The following ERC1 variants were observed in gnomAD, a reference collection of about 807,000 sequenced individuals.
ERC1 encodes ELKS/RAB6-interacting/CAST family member 1.
In ERC1, 56 loss-of-function variants were observed where a neutral mutation model predicts 132.0. The observed-to-expected ratio is 0.42, with a 90% CI of 0.34 to 0.53. The LOEUF (loss-of-function observed/expected upper bound fraction) is 0.53, where lower values mean the gene tolerates loss of function less well. ERC1 is among the 20% of genes least tolerant of loss of function. The pLI, the probability that ERC1 is intolerant of heterozygous loss-of-function variation, is 0.03. For missense variants in ERC1, 1,202 were observed against 1,349.9 expected (o/e 0.89, Z 1.72); for synonymous variants, 478 against 476.1 (o/e 1.00, Z -0.05).
chr12:1,094,489 C>T (rs1173932595), intron 3 of ERC1, among the ~76,000 whole-genome samples: 2 of 150,236 alleles, frequency 1.3e-5, no homozygotes, highest in African/African-American at 4.9e-5. Context: ...CAGCTCACCT[C>T]AACCTCCGCC....
At chr12:1,102,808 G>A (rs992704876) in intron 3 of ERC1, among the ~76,000 whole-genome samples, 1 of 152,192 alleles carries the variant, frequency 6.6e-6, no homozygotes, top group Admixed American at 6.5e-5. Flanking sequence ...AAAGGGGAAG[G>A]ACACATGCGT....
At chr12:1,311,995 T>A (rs1204807114) in intron 15 of ERC1, among the ~76,000 whole-genome samples, 1 of 152,262 alleles carries the variant, frequency 6.6e-6, no homozygotes, top group Non-Finnish European at 1.5e-5. Flanking sequence ...TTGAAAACTA[T>A]GTCCCCATTT....
chr12:1,312,195 C>G (rs2081357837), intron 15 of ERC1, among the ~76,000 whole-genome samples: 1 of 152,124 alleles, frequency 6.6e-6, no homozygotes, highest in Non-Finnish European at 1.5e-5. Flanking sequence ...CCCATATTGA[C>G]TTTTTCTTTT....
intron 2 of ERC1, among the ~76,000 whole-genome samples, chr12:1,033,777 G>A (rs1968537169): frequency 6.6e-6 from 1 of 152,058 alleles, no homozygotes; most frequent in African/African-American, 2.4e-5. Flanking sequence ...TTTCAGGCAT[G>A]TGCCACCACG....
intron 16 of ERC1, chr12:1,386,930 A>C (rs1486268370): frequency 6.6e-6 from 1 of 152,372 alleles, no homozygotes; most frequent in African/African-American, 2.4e-5. Context: ...GGCAGAAGCC[A>C]GGGGAGCCAC....
intron 4 of ERC1, among the ~76,000 whole-genome samples, chr12:1,109,119 A>G (rs963291795): frequency 6.6e-6 from 1 of 152,230 alleles, no homozygotes; most frequent in East Asian, 1.9e-4. Flanking sequence ...ACATAAAACT[A>G]TTCATTCCAT....
chr12:1,222,183 A>G (rs1000801324), intron 12 of ERC1, among the ~76,000 whole-genome samples: 1 of 151,842 alleles, frequency 6.6e-6, no homozygotes, highest in Non-Finnish European at 1.5e-5. Flanking sequence ...CCAAAGCATT[A>G]TCATCATGTG....
At chr12:1,396,802 T>C (rs2090579000) in intron 16 of ERC1, among the ~76,000 whole-genome samples, 1 of 152,090 alleles carries the variant, frequency 6.6e-6, no homozygotes, top group Non-Finnish European at 1.5e-5. Flanking sequence ...AGGTGAGGCA[T>C]TGAGCTCACA....
intron 11 of ERC1, among the ~76,000 whole-genome samples, chr12:1,184,068 A>C (rs1954787516): frequency 6.6e-6 from 1 of 151,336 alleles, no homozygotes; most frequent in African/African-American, 2.4e-5. Context: ...CCCAGGAGGC[A>C]GAGGTTGCAT....
At position 1,255,818 on chromosome 12, in the gene ERC1, T is replaced by G. The variant is rs995661316; in HGVS notation, c.2488-7216T>G. On this transcript the variant is annotated intron_variant, in intron 13 of 18. Coordinates refer to ENST00000360905, the MANE Select transcript of ERC1 (RefSeq NM_178040.4). ...TGGCTAATTTTTTTTTGTATTTTTTTTTAGTAGAGACGGGGTTTCACCATG... is the reference window on the plus strand; with the variant it reads ...TGGCTAATTTTTTTTTGTATTTTTTGTTAGTAGAGACGGGGTTTCACCATG... 1.9e-3 allele frequency among the ~76,000 whole-genome samples: 294 copies of G among 151,582 alleles called. 4 individuals are homozygous for G. The highest frequency in any genetic ancestry group is 2.8e-3 in the Non-Finnish European group (192 of 67,858).
intron 15 of ERC1, among the ~76,000 whole-genome samples, chr12:1,318,382 C>T (rs1359478622): frequency 5.9e-5 from 9 of 152,078 alleles, no homozygotes; most frequent in Non-Finnish European, 1.3e-4. Flanking sequence ...ATTTTGTACC[C>T]GTACTCTGAA....
At chr12:1,439,001 T>C (rs1313598077) in intron 17 of ERC1, among the ~76,000 whole-genome samples, 1 of 151,276 alleles carries the variant, frequency 6.6e-6, no homozygotes, top group Non-Finnish European at 1.5e-5. Context: ...GGACAAAAGA[T>C]TAGTACCCCA....
chr12:1,063,411 C>A (rs192469553), intron 2 of ERC1, among the ~76,000 whole-genome samples: 1 of 152,288 alleles, frequency 6.6e-6, no homozygotes, highest in Non-Finnish European at 1.5e-5. Flanking sequence ...CAGGCATGTG[C>A]CACCACGCCT....
At chr12:1,266,391 C>CTTTT (rs71293128) in intron 14 of ERC1, among the ~76,000 whole-genome samples, 848 of 43,048 alleles carry the variant, frequency 0.02, 160 homozygotes, top group Non-Finnish European at 0.025. Context: ...CGTTTCCTGT[C>CTTTT]TTTTTTTTTT....
At chr12:1,469,556 G>A (rs1459040257) in intron 18 of ERC1, among the ~76,000 whole-genome samples, 1 of 152,214 alleles carries the variant, frequency 6.6e-6, no homozygotes, top group Admixed American at 6.5e-5. Context: ...GGAATAAACT[G>A]TGTGAAGCCA....
intron 7 of ERC1, among the ~76,000 whole-genome samples, chr12:1,117,811 AGAT>A (rs1946611519): frequency 6.6e-6 from 1 of 152,260 alleles, no homozygotes; most frequent in South Asian, 2.1e-4. Context: ...CATAGTATTT[AGAT>A]GATCTGCATT....
chr12:1,450,883 G>A (rs1269391463), intron 18 of ERC1, among the ~76,000 whole-genome samples: 1 of 152,158 alleles, frequency 6.6e-6, no homozygotes, highest in Non-Finnish European at 1.5e-5. Flanking sequence ...ACATAGTTTT[G>A]ATTTGCATTT....
At chr12:1,137,104 T>C (rs570516608) in intron 7 of ERC1, among the ~76,000 whole-genome samples, 1,871 of 144,848 alleles carry the variant, frequency 0.013, 55 homozygotes, top group African/African-American at 0.045. Flanking sequence ...TCTTTTCTTT[T>C]TTTTTTTTTT....
At chr12:1,377,740 G>A (rs2088118504) in intron 16 of ERC1, among the ~76,000 whole-genome samples, 1 of 152,148 alleles carries the variant, frequency 6.6e-6, no homozygotes, top group Non-Finnish European at 1.5e-5. Flanking sequence ...TATTATAGAA[G>A]CATGGTGTAC....
Sources: gnomAD v4.1 joint callset for allele counts (sites outside exome capture counted in the v4.1 genomes callset) on GRCh38, gnomAD v4.1.1 for gene constraint, MANE v1.5 for transcripts, NCBI Gene and HGNC (gene_info 2026-07-23, HGNC 2026-07-21) for gene names.